KIF16B: variants seen among roughly 807,000 people sequenced by gnomAD.
KIF16B encodes kinesin-like protein KIF16B.
A neutral mutation model predicts 156.3 loss-of-function variants in KIF16B; 98 were observed. The observed-to-expected ratio is 0.63, with a 90% CI of 0.53 to 0.74. KIF16B has a LOEUF of 0.74. Among genes scored for constraint, KIF16B ranks in the 30% least tolerant of loss-of-function variants. The pLI, the probability that KIF16B is intolerant of heterozygous loss-of-function variation, is 0.00. For synonymous variants in KIF16B, 564 were observed against 583.7 expected (o/e 0.97, Z 0.49); for missense variants, 1,421 against 1,606.5 (o/e 0.88, Z 1.97).
chr20:16,507,299 C>G (rs1182181659), intron 7 of KIF16B, among the ~76,000 whole-genome samples: 1 of 152,046 alleles, frequency 6.6e-6, no homozygotes, highest in Non-Finnish European at 1.5e-5. Context: ...TAATAAAATG[C>G]TGCCTCTTTG....
At chr20:16,359,542 C>A (rs1279092782) in intron 22 of KIF16B, among the ~76,000 whole-genome samples, 4 of 148,990 alleles carry the variant, frequency 2.7e-5, no homozygotes, top group Non-Finnish European at 4.4e-5. Context: ...TATAGCAAGG[C>A]AAGAACAGAC....
intron 24 of KIF16B, among the ~76,000 whole-genome samples, chr20:16,326,737 A>G (rs1027518637): frequency 1.1e-4 from 17 of 152,088 alleles, no homozygotes; most frequent in African/African-American, 4.1e-4. Flanking sequence ...AATGTAAACT[A>G]GTACAACCAC....
chr20:16,364,533 G>A (rs2064618040), intron 22 of KIF16B, among the ~76,000 whole-genome samples: 1 of 152,126 alleles, frequency 6.6e-6, no homozygotes. Flanking sequence ...CTGAAGAAAC[G>A]AGCAGAGGGA....
At chr20:16,471,585 C>T (rs1012788758) in intron 12 of KIF16B, among the ~76,000 whole-genome samples, 3 of 152,206 alleles carry the variant, frequency 2.0e-5, no homozygotes, top group African/African-American at 7.2e-5. Context: ...ACAGCATAGA[C>T]ATTTCTCTTA....
At chr20:16,551,284 C>A (rs2070652272) in intron 1 of KIF16B, among the ~76,000 whole-genome samples, 1 of 152,170 alleles carries the variant, frequency 6.6e-6, no homozygotes, top group African/African-American at 2.4e-5. Context: ...GCACTCGCCA[C>A]CATGCCCGGC....
At chr20:16,363,035 T>C (rs2064580598) in intron 22 of KIF16B, among the ~76,000 whole-genome samples, 1 of 152,128 alleles carries the variant, frequency 6.6e-6, no homozygotes, top group Non-Finnish European at 1.5e-5. Flanking sequence ...TGGTGATGGT[T>C]TGAAAAATGT....
intron 17 of KIF16B, among the ~76,000 whole-genome samples, chr20:16,391,122 C>T (rs1339659984): frequency 6.6e-6 from 1 of 152,062 alleles, no homozygotes; most frequent in Non-Finnish European, 1.5e-5. Context: ...GGAAGAAAAA[C>T]AGAAGGAAGA....
intron 1 of KIF16B, among the ~76,000 whole-genome samples, chr20:16,540,319 G>A (rs1159561072): frequency 6.7e-6 from 1 of 150,198 alleles, no homozygotes; most frequent in Non-Finnish European, 1.5e-5. Flanking sequence ...TGGGAGCAGG[G>A]CTTCAGGGGA....
At chr20:16,388,919 T>A (rs1410282365) in intron 17 of KIF16B, among the ~76,000 whole-genome samples, 1 of 152,040 alleles carries the variant, frequency 6.6e-6, no homozygotes, top group Non-Finnish European at 1.5e-5. Context: ...CTAAACAGAG[T>A]ATGACTGCCC....
chr20:16,397,445 T>G (rs753249217), intron 17 of KIF16B, among the ~76,000 whole-genome samples: 8 of 152,238 alleles, frequency 5.3e-5, no homozygotes, highest in Non-Finnish European at 1.0e-4. Context: ...TACAATGTTC[T>G]TGGGGAACAA....
chr20:16,572,635 A>G (rs2071497643), intron 1 of KIF16B, among the ~76,000 whole-genome samples: 1 of 152,168 alleles, frequency 6.6e-6, no homozygotes, highest in Non-Finnish European at 1.5e-5. Context: ...TGTGTGTAAC[A>G]CTCTTCCTCT....
chr20:16,560,742 G>A (rs1372799188), intron 1 of KIF16B, among the ~76,000 whole-genome samples: 1 of 151,904 alleles, frequency 6.6e-6, no homozygotes, highest in Non-Finnish European at 1.5e-5. Flanking sequence ...CCATTTTCGT[G>A]CCACTGCACT....
intron 12 of KIF16B, among the ~76,000 whole-genome samples, chr20:16,469,568 A>T (rs1348961111): frequency 6.6e-6 from 1 of 152,056 alleles, no homozygotes; most frequent in African/African-American, 2.4e-5. Flanking sequence ...AACTAAAAAA[A>T]AAAAAAAGAG....
At chr20:16,273,988 T>C (rs2063022600) in intron 25 of KIF16B, among the ~76,000 whole-genome samples, 1 of 151,678 alleles carries the variant, frequency 6.6e-6, no homozygotes, top group East Asian at 1.9e-4. Context: ...GGGATCTGCC[T>C]CTCAGCCACA....
Position 16,439,084 on chromosome 20 carries a change from C to T in KIF16B, c.1303-9102G>A, listed in dbSNP as rs199970100. 1.4e-4 allele frequency among the ~76,000 whole-genome samples: 21 copies of T among 152,282 alleles called. No homozygotes were observed. In the East Asian group the frequency reaches 3.5e-3, roughly 25 times the overall value. On this transcript the variant is annotated intron_variant, in intron 12 of 25. Transcript: ENST00000354981. ...CAGGTGGGAAGGCAGAGTTCACAAT[C>T]CACAGCTTGGGAAAAAGAATCAAGT...
chr20:16,451,540 A>G (rs1230964412), intron 12 of KIF16B, among the ~76,000 whole-genome samples: 2 of 151,736 alleles, frequency 1.3e-5, no homozygotes. Context: ...GTTAAAAAAA[A>G]AAAAACCACC....
At position 16,378,797 on chromosome 20, in the gene KIF16B, A is replaced by T; in HGVS notation, c.3197+8T>A. The T allele has an allele frequency of 6.3e-7, 1 of 1,586,392 alleles. No homozygotes were observed. Among genetic ancestry groups the T allele is most frequent in the Non-Finnish European group, 8.6e-7 (1 of 1,167,440 alleles). ...ACTGTATGCCACACCCTTCCTTCCC[A>T]ATCTCACCTCTCCTGGTCCTTCTCC... On this transcript the variant is annotated splice_region_variant and intron_variant, in intron 19 of 25. Transcript: ENST00000354981.
intron 25 of KIF16B, among the ~76,000 whole-genome samples, chr20:16,302,477 T>C (rs1287111328): frequency 6.6e-6 from 1 of 152,250 alleles, no homozygotes; most frequent in Non-Finnish European, 1.5e-5. Flanking sequence ...TATCTGTCTA[T>C]TCTTTCACCA....
chr20:16,546,720 A>ATCT (rs1215233795), intron 1 of KIF16B, among the ~76,000 whole-genome samples: 1 of 152,218 alleles, frequency 6.6e-6, no homozygotes, highest in African/African-American at 2.4e-5. Context: ...GGCACAATTC[A>ATCT]TAAAGATAAG....
Sources: gnomAD v4.1 joint callset for allele counts (sites outside exome capture counted in the v4.1 genomes callset) on GRCh38, gnomAD v4.1.1 for gene constraint, MANE v1.5 for transcripts, NCBI Gene and HGNC (gene_info 2026-07-23, HGNC 2026-07-21) for gene names.